The following MARK1 variants were observed in gnomAD, a reference collection of about 807,000 sequenced individuals.
The protein encoded by MARK1 is microtubule affinity regulating kinase 1.
Under a neutral mutation model 96.3 loss-of-function variants are expected in MARK1, and 40 were observed. The observed-to-expected ratio is 0.42, with a 90% CI of 0.32 to 0.54. MARK1 has a LOEUF of 0.54. Ranked by LOEUF, MARK1 falls within the 20% of genes least tolerant of loss-of-function variation. MARK1 has a pLI of 0.16. For missense variants in MARK1, 719 were observed against 984.6 expected (o/e 0.73, Z 3.61); for synonymous variants, 317 against 341.2 (o/e 0.93, Z 0.78).
Position 220,528,726 on chromosome 1 carries a change from CT to C in MARK1, c.-95del. On this transcript the variant is annotated 5_prime_UTR_variant, in exon 1 of 18. Coordinates refer to ENST00000366917, the MANE Select transcript of MARK1 (RefSeq NM_018650.5). Reference sequence around the variant, plus strand: ...GCCTGCGGGAGCCGCTCGCCCCGGCCTTGTGCTCGCGTCCGCACCCCTTTCC... The same window carrying C: ...GCCTGCGGGAGCCGCTCGCCCCGGCCTGTGCTCGCGTCCGCACCCCTTTCC... 1.7e-6 allele frequency: 2 copies of C among 1,176,624 alleles called. No individual in the cohort carries two copies. Among genetic ancestry groups the C allele is most frequent in the Admixed American group, 2.7e-5 (1 of 37,416 alleles). The allele number at this position is 1,176,624 out of a possible 1,614,324, so 72.9% of individuals were successfully genotyped here. A position where few individuals can be genotyped will look rare whatever the true frequency, so the allele number is the denominator to read the frequency against.
intron 1 of MARK1, among the ~76,000 whole-genome samples, chr1:220,551,199 C>A (rs545702004): frequency 1.3e-5 from 2 of 152,194 alleles, no homozygotes; most frequent in African/African-American, 4.8e-5. Flanking sequence ...AGTGGTCCAG[C>A]GGGAGCTGAA....
chr1:220,612,196 T>C (rs1460710940), intron 6 of MARK1, among the ~76,000 whole-genome samples: 3 of 152,234 alleles, frequency 2.0e-5, no homozygotes, highest in Admixed American at 2.0e-4. Context: ...CTAGTTTTAC[T>C]TATTTTTTGA....
intron 1 of MARK1, among the ~76,000 whole-genome samples, chr1:220,556,296 C>T (rs1338174461): frequency 1.3e-5 from 2 of 151,954 alleles, no homozygotes; most frequent in Admixed American, 6.6e-5. Flanking sequence ...TTAAGTTTAA[C>T]GGGGAGACAC....
intron 1 of MARK1, among the ~76,000 whole-genome samples, chr1:220,532,367 A>G (rs975060882): frequency 2.0e-5 from 3 of 152,256 alleles, no homozygotes; most frequent in Non-Finnish European, 4.4e-5. Flanking sequence ...CACATGTCAC[A>G]GTACCTATCA....
chr1:220,549,107 C>T lies in MARK1; in HGVS notation c.51+20234C>T, dbSNP rs149536471. Among the ~76,000 whole-genome samples, 632 of 152,196 alleles carry T rather than the reference C, an allele frequency of 4.2e-3. 9 individuals carry two copies. Among genetic ancestry groups the T allele is most frequent in the African/African-American group, 0.015 (605 of 41,526 alleles). ...TTGTGTGGGGAATAGGGGTAATTGC[C>T]CTTTGTATACCACAATTCAGATGTA... On this transcript the variant is annotated intron_variant, in intron 1 of 17. Coordinates refer to ENST00000366917, the MANE Select transcript of MARK1 (RefSeq NM_018650.5).
At chr1:220,602,850 A>G (rs1324866234) in intron 5 of MARK1, among the ~76,000 whole-genome samples, 1 of 152,040 alleles carries the variant, frequency 6.6e-6, no homozygotes, top group Non-Finnish European at 1.5e-5. Flanking sequence ...TTGCATATAT[A>G]TGTAATATAT....
chr1:220,649,729 C>A (rs6676051), intron 13 of MARK1, among the ~76,000 whole-genome samples: 2,186 of 152,148 alleles, frequency 0.014, 29 homozygotes, highest in Middle Eastern at 0.044. Context: ...TGAATTCAAG[C>A]AAGTATCTAT....
intron 17 of MARK1, among the ~76,000 whole-genome samples, chr1:220,660,111 A>G (rs764864052): frequency 3.9e-5 from 6 of 152,136 alleles, no homozygotes. Context: ...CATCAGTTCC[A>G]TCTTTAAAAT....
intron 13 of MARK1, among the ~76,000 whole-genome samples, chr1:220,638,749 T>C (rs1435805391): frequency 6.6e-6 from 1 of 152,232 alleles, no homozygotes; most frequent in African/African-American, 2.4e-5. Context: ...CATAATACTA[T>C]AATATATTGT....
At chr1:220,533,386 A>G (rs1660462311) in intron 1 of MARK1, among the ~76,000 whole-genome samples, 1 of 152,190 alleles carries the variant, frequency 6.6e-6, no homozygotes, top group Admixed American at 6.5e-5. Flanking sequence ...TTTTTATAAA[A>G]ATCCAGTTCA....
chr1:220,542,712 G>A (rs2102716457), intron 1 of MARK1, among the ~76,000 whole-genome samples: 1 of 152,120 alleles, frequency 6.6e-6, no homozygotes, highest in South Asian at 2.1e-4. Context: ...GTTTTTTTAT[G>A]TTTGTTTACT....
intron 1 of MARK1, among the ~76,000 whole-genome samples, chr1:220,563,952 T>C (rs886624998): frequency 1.4e-4 from 22 of 152,224 alleles, no homozygotes; most frequent in Admixed American, 1.3e-4. Flanking sequence ...GCCTTCCTTC[T>C]TTATTGTGCT....
chr1:220,610,520 T>A (rs2102944464), intron 6 of MARK1, among the ~76,000 whole-genome samples: 1 of 152,302 alleles, frequency 6.6e-6, no homozygotes, highest in South Asian at 2.1e-4. Context: ...TGGAGAAGTT[T>A]GTTATTACAG....
rs1007336584 is a variant in MARK1, at chr1:220,528,673, C to T, written c.-150C>T. The stretch of plus-strand genomic sequence containing the variant: ...CGCGTCCTCTTCCCTCTTTCCCCCG[C>T]CGGGGCCGCTTGTTGCACCGCCCCG... On this transcript the variant is annotated 5_prime_UTR_variant, in exon 1 of 18. Coordinates refer to ENST00000366917, the MANE Select transcript of MARK1 (RefSeq NM_018650.5). The T allele has an allele frequency of 3.2e-5, 19 of 590,002 alleles. No homozygotes were observed. Among genetic ancestry groups the T allele is most frequent in the Non-Finnish European group, 4.8e-5 (17 of 354,514 alleles). The allele number at this position is 590,002 out of a possible 1,614,324, so 36.5% of individuals were successfully genotyped here.
At chr1:220,576,836 A>G (rs1663887218) in intron 1 of MARK1, 1 of 152,246 alleles carries the variant, frequency 6.6e-6, no homozygotes, top group Non-Finnish European at 1.5e-5. Flanking sequence ...ACAAGTACTT[A>G]GAAGATGGTG....
At chr1:220,588,974 A>G (rs1664818998) in intron 3 of MARK1, among the ~76,000 whole-genome samples, 1 of 152,238 alleles carries the variant, frequency 6.6e-6, no homozygotes, top group African/African-American at 2.4e-5. Context: ...GAAGAAGGCT[A>G]TGTTGTAAGG....
chr1:220,611,890 G>A (rs567812935), intron 6 of MARK1, among the ~76,000 whole-genome samples: 26 of 151,916 alleles, frequency 1.7e-4, no homozygotes, highest in African/African-American at 6.0e-4. Context: ...ACACCACCAC[G>A]CCCAGCTAAT....
At chr1:220,562,753 A>C (rs754758786) in intron 1 of MARK1, among the ~76,000 whole-genome samples, 1 of 152,168 alleles carries the variant, frequency 6.6e-6, no homozygotes, top group Non-Finnish European at 1.5e-5. Flanking sequence ...TATCTTGTGT[A>C]TATCCTCCTA....
intron 3 of MARK1, among the ~76,000 whole-genome samples, chr1:220,595,165 TA>T (rs1665249940): frequency 1.3e-5 from 2 of 152,166 alleles, no homozygotes; most frequent in Non-Finnish European, 2.9e-5. Flanking sequence ...AAAACTGCTA[TA>T]AAAATAAAGT....
Sources: gnomAD v4.1 joint callset for allele counts (sites outside exome capture counted in the v4.1 genomes callset) on GRCh38, gnomAD v4.1.1 for gene constraint, MANE v1.5 for transcripts, NCBI Gene and HGNC (gene_info 2026-07-23, HGNC 2026-07-21) for gene names.